The following ACACA variants were observed in gnomAD, a reference collection of about 807,000 sequenced individuals.
ACACA encodes acetyl-CoA carboxylase alpha.
ACACA carries 103 observed loss-of-function variants against 296.1 expected under a neutral mutation model. The observed-to-expected ratio is 0.35, with a 90% CI of 0.30 to 0.41. The LOEUF is 0.41. ACACA is among the 10% of genes least tolerant of loss of function. The pLI, the probability that ACACA is intolerant of heterozygous loss-of-function variation, is 1.00. For synonymous variants in ACACA, 953 were observed against 1,038.6 expected (o/e 0.92, Z 1.58); for missense variants, 1,554 against 2,989.7 (o/e 0.52, Z 11.20).
chr17:37,403,385 T>G (rs2051356656), intron 1 of ACACA, among the ~76,000 whole-genome samples: 1 of 150,706 alleles, frequency 6.6e-6, no homozygotes, highest in Non-Finnish European at 1.5e-5. Flanking sequence ...TTTTTTTTTT[T>G]TTTTGGTACA....
intron 29 of ACACA, among the ~76,000 whole-genome samples, chr17:37,220,091 T>G (rs975742143): frequency 1.3e-5 from 2 of 152,212 alleles, no homozygotes; most frequent in Non-Finnish European, 2.9e-5. Context: ...TCTACAGGCA[T>G]GTCCAGATGT....
At chr17:37,299,589 C>T in intron 3 of ACACA, 2 of 1,324,822 alleles carry the variant, frequency 1.5e-6, no homozygotes, top group South Asian at 3.8e-5. Flanking sequence ...ACTTAGCTTA[C>T]ACACACAATT....
chr17:37,344,091 G>T (rs903906723), intron 1 of ACACA, among the ~76,000 whole-genome samples: 1 of 150,878 alleles, frequency 6.6e-6, no homozygotes, highest in South Asian at 2.1e-4. Flanking sequence ...AAAATAAAAA[G>T]ATAAAAAATA....
chr17:37,282,166 A>G (rs1442602571), intron 5 of ACACA, among the ~76,000 whole-genome samples: 2 of 152,146 alleles, frequency 1.3e-5, no homozygotes, highest in Non-Finnish European at 2.9e-5. Context: ...CATCTCCTTG[A>G]TGATACGTGA....
chr17:37,281,633 C>T lies in ACACA; in HGVS notation c.610+1634G>A, dbSNP rs146072136. ...CTGTAATCCTAGTACTTTGGGAGGC[C>T]AAGGCAGGTGGATCACAAGGTCAAG... is the stretch of plus-strand genomic sequence containing the variant. On this transcript the variant is annotated intron_variant, in intron 5 of 55. Coordinates refer to ENST00000616317, the MANE Select transcript of ACACA (RefSeq NM_198834.3). Among the ~76,000 whole-genome samples the T allele has an allele frequency of 1.2e-4, 19 of 152,058 alleles. No homozygotes were observed. In the East Asian group the frequency reaches 1.6e-3, roughly 12 times the overall value.
intron 1 of ACACA, among the ~76,000 whole-genome samples, chr17:37,390,263 T>A (rs1342743438): frequency 1.5e-5 from 1 of 66,292 alleles, no homozygotes; most frequent in Non-Finnish European, 2.5e-5. Context: ...TTATATATAA[T>A]TATATATAAT....
chr17:37,320,999 C>T (rs1368093230), intron 3 of ACACA, among the ~76,000 whole-genome samples: 1 of 151,742 alleles, frequency 6.6e-6, no homozygotes, highest in Non-Finnish European at 1.5e-5. Context: ...ATACTTACCT[C>T]ATGGGATTGT....
chr17:37,111,092 G>C (rs945522093), intron 52 of ACACA, among the ~76,000 whole-genome samples: 9 of 152,126 alleles, frequency 5.9e-5, no homozygotes, highest in Non-Finnish European at 1.3e-4. Flanking sequence ...TATTTCTCTA[G>C]CTCAGGAAGA....
chr17:37,147,510 G>A (rs1400420312), intron 45 of ACACA, among the ~76,000 whole-genome samples: 1 of 152,140 alleles, frequency 6.6e-6, no homozygotes, highest in Non-Finnish European at 1.5e-5. Flanking sequence ...CAGAAGGAGT[G>A]AGTCAGAGGA....
intron 2 of ACACA, among the ~76,000 whole-genome samples, chr17:37,331,126 T>C: frequency 6.7e-6 from 1 of 150,268 alleles, no homozygotes; most frequent in Non-Finnish European, 1.5e-5. Flanking sequence ...TTTATTTATT[T>C]ATTTATTTAG....
At chr17:37,153,705 T>G (rs1009643978) in intron 43 of ACACA, among the ~76,000 whole-genome samples, 5 of 152,194 alleles carry the variant, frequency 3.3e-5, no homozygotes, top group African/African-American at 9.6e-5. Context: ...AAATACTTAT[T>G]GTTTAACTAC....
chr17:37,364,712 A>G (rs1354990899), intron 1 of ACACA, among the ~76,000 whole-genome samples: 1 of 152,204 alleles, frequency 6.6e-6, no homozygotes, highest in African/African-American at 2.4e-5. Context: ...TTTTTAGGAC[A>G]GAGAATAGAG....
At chr17:37,365,401 TAGTA>T (rs1360685749) in intron 1 of ACACA, 5 of 965,192 alleles carry the variant, frequency 5.2e-6, no homozygotes, top group Non-Finnish European at 6.2e-6. Context: ...GTATTTCTAT[TAGTA>T]AGCGCTTCAT....
chr17:37,162,050 T>A lies in ACACA; in HGVS notation c.5080A>T (p.Ile1694Phe). ...GTCATTTTCCAAGCTACCATGCCAA[T>A]CTGGAAAGGCATAAACAAACAAATG... ...HMNRLPGGNE[I>F]GMVAWKMTFK... Residue 1694 changes from isoleucine (I) to phenylalanine (F), a missense_variant and splice_region_variant, in exon 42 of 56, where the codon ATT (isoleucine) becomes TTT (phenylalanine). Around this residue, in one of 16 missense-constraint regions of ACACA, gnomAD observed 553 missense variants for 1,043.6 expected, o/e 0.53. Coordinates refer to ENST00000616317, the MANE Select transcript of ACACA (RefSeq NM_198834.3). 6.2e-7 allele frequency: 1 copy of A among 1,614,134 alleles called. No homozygotes were observed.
chr17:37,203,771 C>CA (rs898394999), intron 33 of ACACA, among the ~76,000 whole-genome samples: 1 of 151,922 alleles, frequency 6.6e-6, no homozygotes, highest in South Asian at 2.1e-4. Flanking sequence ...CAAAACAAAA[C>CA]AAAAAAACTC....
At position 37,284,989 on chromosome 17, in the gene ACACA, C is replaced by A; in HGVS notation, c.339-19G>T. The A allele has an allele frequency of 6.2e-7, 1 of 1,614,026 alleles. No homozygotes were observed. Among genetic ancestry groups the A allele is most frequent in the Non-Finnish European group, 8.5e-7 (1 of 1,179,986 alleles). ...GCTGGACCTATAAAAATACAGAAGC[C>A]ATAAAAACACCACCTATATTTTCTG... On this transcript the variant is annotated intron_variant, in intron 3 of 55. Transcript: ENST00000616317.
chr17:37,289,536 T>C (rs1414457811), intron 3 of ACACA: 1 of 1,342,916 alleles, frequency 7.4e-7, no homozygotes, highest in South Asian at 1.1e-5. Flanking sequence ...AGTCTGAGGA[T>C]ACAAAAATGT....
intron 50 of ACACA, among the ~76,000 whole-genome samples, chr17:37,118,500 G>A (rs1049161253): frequency 2.0e-5 from 3 of 152,206 alleles, no homozygotes; most frequent in Non-Finnish European, 2.9e-5. Context: ...CATCCCCAAA[G>A]TAGAGGGGAA....
intron 1 of ACACA, among the ~76,000 whole-genome samples, chr17:37,362,202 A>G (rs1221400555): frequency 6.6e-6 from 1 of 152,220 alleles, no homozygotes; most frequent in African/African-American, 2.4e-5. Context: ...GAGGAAATGC[A>G]TTTCTGTTGT....
Sources: allele counts gnomAD v4.1 joint callset (sites outside exome capture counted in the v4.1 genomes callset), GRCh38; gene constraint gnomAD v4.1.1; regional missense constraint gnomAD v4.1.1; transcripts MANE v1.5; gene names NCBI Gene and HGNC (gene_info 2026-07-23, HGNC 2026-07-21).